LRRC3B: variants seen among roughly 807,000 people sequenced by gnomAD.
LRRC3B encodes the protein leucine rich repeat containing 3B.
Under a neutral mutation model 12.8 loss-of-function variants are expected in LRRC3B, and 2 were observed. That is an observed-to-expected ratio of 0.16 (90% confidence interval 0.06 to 0.49). LRRC3B has a LOEUF of 0.49. Ranked by LOEUF, LRRC3B falls within the 20% of genes least tolerant of loss-of-function variation. The pLI is 0.96. For synonymous variants in LRRC3B, 132 were observed against 122.0 expected, an observed-to-expected ratio of 1.08 and a Z score of -0.54; for missense variants, 189 against 319.4, an observed-to-expected ratio of 0.59 and a Z score of 3.11.
At chr3:26,709,244 T>C (rs190210251) in intron 1 of LRRC3B, among the ~76,000 whole-genome samples, 28 of 152,256 alleles carry the variant, frequency 1.8e-4, no homozygotes, top group African/African-American at 6.0e-4. Flanking sequence ...AGCAGAGAAA[T>C]AGGGAGTATT....
intron 1 of LRRC3B, among the ~76,000 whole-genome samples, chr3:26,705,093 G>A (rs984215486): frequency 6.6e-6 from 1 of 152,058 alleles, no homozygotes; most frequent in Non-Finnish European, 1.5e-5. Flanking sequence ...ATTTAATGAT[G>A]AAAAGAAAGA....
At chr3:26,624,480 G>A (rs1007112453) in intron 1 of LRRC3B, 1 of 152,648 alleles carries the variant, frequency 6.6e-6, no homozygotes, top group Non-Finnish European at 1.5e-5. Flanking sequence ...GGGTAGAGGG[G>A]AGTCCCCAGC....
exon 2 of LRRC3B, chr3:26,710,513 G>A (rs183819255): frequency 3.4e-6 from 5 of 1,460,954 alleles, no homozygotes; most frequent in Non-Finnish European, 4.6e-6. Context: ...GTAGAAATAA[G>A]TGGTTTACTT....
chr3:26,628,153 TAAATC>T (rs1386706196), intron 1 of LRRC3B, among the ~76,000 whole-genome samples: 1 of 152,202 alleles, frequency 6.6e-6, no homozygotes, highest in Non-Finnish European at 1.5e-5. Flanking sequence ...ACCTTTATCT[TAAATC>T]ATATAAATAT....
intron 1 of LRRC3B, among the ~76,000 whole-genome samples, chr3:26,699,932 G>A (rs1048762358): frequency 6.6e-6 from 1 of 152,084 alleles, no homozygotes; most frequent in Admixed American, 6.6e-5. Context: ...TAAATGCTGG[G>A]TTCATAAAAA....
At chr3:26,647,087 G>T (rs1699167929) in intron 1 of LRRC3B, among the ~76,000 whole-genome samples, 1 of 152,050 alleles carries the variant, frequency 6.6e-6, no homozygotes, top group Non-Finnish European at 1.5e-5. Flanking sequence ...GAACCTTCCT[G>T]TTTCCAAGCT....
At chr3:26,681,030 G>A (rs1001957065) in intron 1 of LRRC3B, among the ~76,000 whole-genome samples, 3 of 152,146 alleles carry the variant, frequency 2.0e-5, no homozygotes, top group African/African-American at 7.2e-5. Flanking sequence ...TACTACAAAA[G>A]ACAACTGAAT....
At chr3:26,671,526 G>C (rs960393120) in intron 1 of LRRC3B, among the ~76,000 whole-genome samples, 2 of 150,600 alleles carry the variant, frequency 1.3e-5, no homozygotes, top group African/African-American at 2.5e-5. Flanking sequence ...CAAGTAGCTG[G>C]GACTACAGGC....
chr3:26,653,438 G>A (rs1215294802), intron 1 of LRRC3B, among the ~76,000 whole-genome samples: 1 of 152,146 alleles, frequency 6.6e-6, no homozygotes, highest in East Asian at 1.9e-4. Flanking sequence ...GAGTTCAGAT[G>A]ATGTTGCAGA....
chr3:26,656,915 A>G (rs1195700031), intron 1 of LRRC3B, among the ~76,000 whole-genome samples: 1 of 152,214 alleles, frequency 6.6e-6, no homozygotes, highest in East Asian at 1.9e-4. Flanking sequence ...TAGATTTTGG[A>G]ATAGAATCCA....
intron 1 of LRRC3B, among the ~76,000 whole-genome samples, chr3:26,686,514 C>A (rs910236793): frequency 1.3e-5 from 2 of 152,168 alleles, no homozygotes; most frequent in Non-Finnish European, 2.9e-5. Flanking sequence ...TCTCCTGCAT[C>A]CCCCACCAAC....
chr3:26,671,371 T>TAG (rs1207421811), intron 1 of LRRC3B, among the ~76,000 whole-genome samples: 432 of 35,922 alleles, frequency 0.012, 8 homozygotes, highest in Non-Finnish European at 0.014. Flanking sequence ...TATATATATA[T>TAG]ATAGAGAGAG....
intron 1 of LRRC3B, among the ~76,000 whole-genome samples, chr3:26,702,360 G>A (rs779269804): frequency 1.3e-5 from 2 of 152,062 alleles, no homozygotes; most frequent in African/African-American, 2.4e-5. Context: ...TCATATCCTT[G>A]ACTAAAGGAT....
At position 26,634,734 on chromosome 3, in the gene LRRC3B, C is replaced by T. The variant is rs949006510; in HGVS notation, c.-161+11497C>T. Among the ~76,000 whole-genome samples the T allele has an allele frequency of 2.0e-5, 3 of 152,240 alleles. No individual in the cohort carries two copies. In the East Asian group the frequency reaches 5.8e-4, roughly 29 times the overall value. ...CTTTCCATTCCAGGTTGGCTTTGAT[C>T]ATAAAGGCTTTTAAGGAAATGATCA... is the stretch of plus-strand genomic sequence containing the variant. On this transcript the variant is annotated intron_variant, in intron 1 of 1. Transcript: ENST00000396641.
At chr3:26,632,274 A>C (rs1278001091) in intron 1 of LRRC3B, among the ~76,000 whole-genome samples, 1 of 152,238 alleles carries the variant, frequency 6.6e-6, no homozygotes, top group African/African-American at 2.4e-5. Flanking sequence ...CCAACTCTTT[A>C]TAACCATATG....
intron 1 of LRRC3B, among the ~76,000 whole-genome samples, chr3:26,646,377 G>A (rs1169750889): frequency 2.6e-5 from 4 of 152,122 alleles, no homozygotes; most frequent in Non-Finnish European, 5.9e-5. Flanking sequence ...GCTTGAAGGA[G>A]AGTCAGGGTA....
intron 1 of LRRC3B, among the ~76,000 whole-genome samples, chr3:26,646,200 T>A (rs1014805281): frequency 6.6e-6 from 1 of 152,160 alleles, no homozygotes; most frequent in African/African-American, 2.4e-5. Flanking sequence ...TGAAAGTGAG[T>A]TATAATCCCT....
intron 1 of LRRC3B, among the ~76,000 whole-genome samples, chr3:26,632,085 C>A (rs1698768820): frequency 6.6e-6 from 1 of 152,094 alleles, no homozygotes; most frequent in Non-Finnish European, 1.5e-5. Flanking sequence ...CTTCTGGGAG[C>A]CTACAATAAA....
chr3:26,682,915 T>G (rs371243933), intron 1 of LRRC3B, among the ~76,000 whole-genome samples: 4 of 152,198 alleles, frequency 2.6e-5, no homozygotes, highest in African/African-American at 9.7e-5. Flanking sequence ...AAATCTGAGA[T>G]TTTCTAATTT....
Sources: gnomAD v4.1 joint callset for allele counts (sites outside exome capture counted in the v4.1 genomes callset) on GRCh38, gnomAD v4.1.1 for gene constraint, MANE v1.5 for transcripts, NCBI Gene and HGNC (gene_info 2026-07-23, HGNC 2026-07-21) for gene names.